The following CLIC5 variants were observed in gnomAD, a reference collection of about 807,000 sequenced individuals.
CLIC5 encodes CLIC family member 5.
CLIC5 carries 20 observed loss-of-function variants against 24.7 expected under a neutral mutation model. The observed-to-expected ratio is 0.81, with a 90% CI of 0.57 to 1.18. The LOEUF (loss-of-function observed/expected upper bound fraction) is 1.18, where lower values mean the gene tolerates loss of function less well. CLIC5 is among the 50% of genes most tolerant of loss of function. CLIC5 has a pLI of 0.00. For missense variants in CLIC5, 341 were observed against 326.1 expected (o/e 1.05, Z -0.35); for synonymous variants, 159 against 135.6 (o/e 1.17, Z -1.20).
the CLIC5 span, among the ~76,000 whole-genome samples, chr6:46,095,158 C>T: frequency 6.6e-6 from 1 of 152,122 alleles, no homozygotes; most frequent in Non-Finnish European, 1.5e-5. Flanking sequence ...GGCCCTGGGC[C>T]TGGCCCAGGA....
the CLIC5 span, among the ~76,000 whole-genome samples, chr6:46,093,282 C>G: frequency 1.3e-5 from 2 of 152,158 alleles, no homozygotes; most frequent in African/African-American, 4.8e-5. Flanking sequence ...GGTCAATAAC[C>G]ACATCTTATT....
At chr6:46,034,004 C>A (rs1246457607) in intron 1 of CLIC5, among the ~76,000 whole-genome samples, 1 of 152,146 alleles carries the variant, frequency 6.6e-6, no homozygotes, top group Non-Finnish European at 1.5e-5. Flanking sequence ...CAGGAACTTG[C>A]CACATGTTAG....
the CLIC5 span, among the ~76,000 whole-genome samples, chr6:46,111,171 C>A: frequency 6.9e-6 from 1 of 144,384 alleles, no homozygotes; most frequent in Non-Finnish European, 1.5e-5. Flanking sequence ...CACTAGAAAT[C>A]AAACCTGTCC....
chr6:45,988,797 G>A (rs766065274), intron 1 of CLIC5, among the ~76,000 whole-genome samples: 3 of 152,226 alleles, frequency 2.0e-5, no homozygotes, highest in African/African-American at 7.2e-5. Context: ...CCAGCCAATA[G>A]TGTGAGCACA....
At chr6:46,066,640 T>G (rs1048584091) in intron 1 of CLIC5, among the ~76,000 whole-genome samples, 1 of 152,138 alleles carries the variant, frequency 6.6e-6, no homozygotes, top group African/African-American at 2.4e-5. Context: ...TTGAATAAGA[T>G]GTAGCTGGAA....
At chr6:45,885,474 C>T (rs1159388028) in intron 6 of CLIC5, among the ~76,000 whole-genome samples, 1 of 152,134 alleles carries the variant, frequency 6.6e-6, no homozygotes, top group East Asian at 1.9e-4. Flanking sequence ...CCCATAATGT[C>T]AACAGAAGAT....
chr6:46,080,074 CA>C lies in CLIC5; in HGVS notation c.168del (p.Tyr56Ter). ...TTAATGGTATAGACTGACACAAAAT[CA>C]TACTCATGGGTATTCAGCTGAGTGG... On this transcript the variant is annotated frameshift_variant, in exon 1 of 6. Transcript: ENST00000185206. LOFTEE classifies it high-confidence loss of function. 1 of 1,551,694 alleles carries C rather than the reference CA, an allele frequency of 6.4e-7. No individual in the cohort carries two copies. The highest frequency in any genetic ancestry group is 8.7e-7 in the Non-Finnish European group (1 of 1,146,984).
the CLIC5 span, among the ~76,000 whole-genome samples, chr6:46,087,107 C>A: frequency 5.3e-5 from 8 of 152,200 alleles, no homozygotes; most frequent in African/African-American, 1.9e-4. Context: ...TCTTGCTTCT[C>A]AAATTGAACA....
chr6:45,949,024 G>T (rs1250329190), intron 3 of CLIC5, among the ~76,000 whole-genome samples: 2 of 152,172 alleles, frequency 1.3e-5, no homozygotes, highest in Non-Finnish European at 2.9e-5. Context: ...GTAGGTAGGA[G>T]TGACTGGCTC....
At position 45,941,617 on chromosome 6, in the gene CLIC5, G is replaced by A; in HGVS notation, c.336C>T (p.Asn112=). 1 of 1,614,028 alleles carries A rather than the reference G, an allele frequency of 6.2e-7. No individual in the cohort carries two copies. Among genetic ancestry groups the A allele is most frequent in the South Asian group, 1.1e-5 (1 of 91,058 alleles). ...TGGAAAAGATGTCGATGCCCGCTGTGTTGGATTCCCGGTGTTTTGCAGCCA... is the reference window on the plus strand; with the variant it reads ...TGGAAAAGATGTCGATGCCCGCTGTATTGGATTCCCGGTGTTTTGCAGCCA... ...PKLAAKHRES[N]TAGIDIFSKF... Residue 112 remains asparagine, a synonymous_variant, in exon 4 of 6, where the codon AAC becomes AAT. Transcript: ENST00000339561.
At chr6:46,108,931 T>C in the CLIC5 span, among the ~76,000 whole-genome samples, 5,900 of 152,296 alleles carry the variant, frequency 0.039, 148 homozygotes, top group Middle Eastern at 0.058. Flanking sequence ...AGAGACTTAT[T>C]AGGCTAATTT....
chr6:45,916,506 A>G (rs1338635809), intron 4 of CLIC5, among the ~76,000 whole-genome samples: 3 of 152,202 alleles, frequency 2.0e-5, no homozygotes, highest in Non-Finnish European at 4.4e-5. Flanking sequence ...GAAGAATCAA[A>G]TACTGGGCCT....
chr6:45,998,012 T>C (rs774516894), intron 1 of CLIC5, among the ~76,000 whole-genome samples: 2 of 152,208 alleles, frequency 1.3e-5, no homozygotes. Flanking sequence ...GAGCAGAAAC[T>C]GCCCTGAGTG....
At chr6:46,088,773 A>G in the CLIC5 span, among the ~76,000 whole-genome samples, 1 of 152,224 alleles carries the variant, frequency 6.6e-6, no homozygotes, top group Non-Finnish European at 1.5e-5. Context: ...TTGATTTAGA[A>G]GATTCAAAGA....
chr6:45,986,854 G>T (rs962074978), intron 1 of CLIC5, among the ~76,000 whole-genome samples: 1 of 152,192 alleles, frequency 6.6e-6, no homozygotes, highest in Non-Finnish European at 1.5e-5. Flanking sequence ...TTATAAAGAG[G>T]CAGTAAATGT....
At chr6:46,098,582 T>C in the CLIC5 span, among the ~76,000 whole-genome samples, 1 of 152,158 alleles carries the variant, frequency 6.6e-6, no homozygotes, top group Admixed American at 6.5e-5. Context: ...AAACAATCAG[T>C]ATTGTGTTGG....
chr6:46,098,986 G>A, the CLIC5 span, among the ~76,000 whole-genome samples: 1 of 152,242 alleles, frequency 6.6e-6, no homozygotes, highest in Non-Finnish European at 1.5e-5. Context: ...GGCTGCGGGG[G>A]TGGGGGTAGA....
intron 1 of CLIC5, among the ~76,000 whole-genome samples, chr6:45,997,480 T>G (rs1766190412): frequency 6.8e-6 from 1 of 147,076 alleles, no homozygotes. Context: ...AATGTGCACA[T>G]GTACCCTAAA....
the CLIC5 span, among the ~76,000 whole-genome samples, chr6:46,086,341 C>T: frequency 2.6e-5 from 4 of 152,232 alleles, no homozygotes; most frequent in Non-Finnish European, 5.9e-5. Context: ...CTGCGTCACT[C>T]ACGCTGGGAG....
Sources: gnomAD v4.1 joint callset for allele counts (sites outside exome capture counted in the v4.1 genomes callset) on GRCh38, gnomAD v4.1.1 for gene constraint, MANE v1.5 for transcripts, NCBI Gene and HGNC (gene_info 2026-07-23, HGNC 2026-07-21) for gene names.